The following ATP2C2 variants were observed in gnomAD, a reference collection of about 807,000 sequenced individuals.
ATP2C2 encodes ATPase secretory pathway Ca2+ transporting 2, also known as calcium-transporting ATPase type 2C member 2.
In ATP2C2, 171 loss-of-function variants were observed where a neutral mutation model predicts 110.8. The observed-to-expected ratio is 1.54, with a 90% CI of 1.36 to 1.75. ATP2C2 has a LOEUF of 1.75. Among genes scored for constraint, ATP2C2 ranks in the 40% most tolerant of loss-of-function variants. ATP2C2 has a pLI of 0.00. For synonymous variants in ATP2C2, 804 were observed against 508.4 expected, an observed-to-expected ratio of 1.58 and a Z score of -7.82; for missense variants, 1,963 against 1,235.0, an observed-to-expected ratio of 1.59 and a Z score of -8.84.
chr16:84,460,710 G>C lies in ATP2C2; in HGVS notation c.2390G>C (p.Arg797Pro). ...DAFRQPPRSVRDTILSRALIL... is the reference protein window; with the variant it reads ...DAFRQPPRSVPDTILSRALIL... ...TTCAGGCAGCCACCACGGAGTGTGC[G>C]GGACACCATCCTCAGCAGAGCCCTC... Residue 797 changes from arginine (R) to proline (P), a missense_variant, in exon 24 of 27, where the codon CGG (arginine) becomes CCG (proline). Arg to Pro is a moderately radical substitution (Grantham distance 103). Transcript: ENST00000262429. 3 of 1,614,178 alleles carry C rather than the reference G, an allele frequency of 1.9e-6. No individual in the cohort carries two copies. Among genetic ancestry groups the C allele is most frequent in the Non-Finnish European group, 1.7e-6 (2 of 1,180,036 alleles).
At chr16:84,383,438 G>T (rs1910702662) in intron 1 of ATP2C2, among the ~76,000 whole-genome samples, 1 of 152,214 alleles carries the variant, frequency 6.6e-6, no homozygotes, top group Non-Finnish European at 1.5e-5. Context: ...AAGCAGCCAT[G>T]TCTGGTCCGT....
chr16:84,373,974 A>C (rs1248964937), intron 1 of ATP2C2, among the ~76,000 whole-genome samples: 1 of 152,256 alleles, frequency 6.6e-6, no homozygotes, highest in Non-Finnish European at 1.5e-5. Context: ...CTCAAGTCCA[A>C]CTGCCAGCAA....
rs1597839585 is a variant in ATP2C2, at chr16:84,440,124, C to T, written c.1209+600C>T. On this transcript the variant is annotated intron_variant, in intron 13 of 26. Coordinates refer to ENST00000262429, the MANE Select transcript of ATP2C2 (RefSeq NM_014861.4). ...GAGTGCTGGGATTACAGGCGTGAGC[C>T]ACCACGCCCAGCCTGTTTTATTTTT... Among the ~76,000 whole-genome samples, 3 of 152,352 alleles carry T rather than the reference C, an allele frequency of 2.0e-5. No individual in the cohort carries two copies. In the South Asian group the frequency reaches 6.2e-4, roughly 32 times the overall value.
At chr16:84,439,854 G>A (rs532041531) in intron 13 of ATP2C2, among the ~76,000 whole-genome samples, 1 of 152,264 alleles carries the variant, frequency 6.6e-6, no homozygotes, top group South Asian at 2.1e-4. Flanking sequence ...TTGTTTGTGA[G>A]AGACAGAGTC....
rs1910042027 is a variant in ATP2C2 at position 84,449,308 on chromosome 16, G to C, written c.1660+619G>C. Among the ~76,000 whole-genome samples the C allele has an allele frequency of 2.0e-5, 3 of 152,374 alleles. No homozygotes were observed. In the South Asian group the frequency reaches 6.2e-4, roughly 32 times the overall value. On this transcript the variant is annotated intron_variant, in intron 17 of 26. Coordinates refer to ENST00000262429, the MANE Select transcript of ATP2C2 (RefSeq NM_014861.4). ...AGGTTGCTGGCAGGCTTGCTCAGAG[G>C]TGTACGGGGCGAGACCCTTGCGGCT...
At position 84,463,745 on chromosome 16, in the gene ATP2C2, CGCGGCACCTTCCCT is replaced by C; in HGVS notation, c.*14_*27del. ...TGAAGATGTGTAGTGGACCGCACTCCGCGGCACCTTCCCTAATCATCTCGATCTGGTTGTGACTG... is the reference window on the plus strand; with the variant it reads ...TGAAGATGTGTAGTGGACCGCACTCCAATCATCTCGATCTGGTTGTGACTG... On this transcript the variant is annotated 3_prime_UTR_variant, in exon 27 of 27. Transcript: ENST00000262429. 3 of 1,590,550 alleles carry C rather than the reference CGCGGCACCTTCCCT, an allele frequency of 1.9e-6. No homozygotes were observed. The highest frequency in any genetic ancestry group is 2.6e-6 in the Non-Finnish European group (3 of 1,159,510).
chr16:84,461,973 A>T lies in ATP2C2; in HGVS notation c.2581-15A>T, dbSNP rs1275783363. ...TGGACAGCACACAATCCCCCGTGTG[A>T]CCTTCTCCCTGCAGACCAAGCTGAT... On this transcript the variant is annotated splice_polypyrimidine_tract_variant and intron_variant, in intron 25 of 26. Transcript: ENST00000262429. 6.2e-7 allele frequency: 1 copy of T among 1,612,194 alleles called. No individual in the cohort carries two copies. The highest frequency in any genetic ancestry group is 1.7e-5 in the Admixed American group (1 of 59,924).
At chr16:84,431,583 G>A (rs751605452) in intron 11 of ATP2C2, among the ~76,000 whole-genome samples, 1 of 151,968 alleles carries the variant, frequency 6.6e-6, no homozygotes, top group African/African-American at 2.4e-5. Flanking sequence ...GTCAGGAGAT[G>A]AGCAGGAAGG....
In ATP2C2 at chr16:84,454,323, G is replaced by A. The variant is rs747717; in HGVS notation, c.1981-495G>A. Among the ~76,000 whole-genome samples, 1,076 of 152,266 alleles carry A rather than the reference G, an allele frequency of 7.1e-3. 17 individuals carry two copies. The highest frequency in any genetic ancestry group is 0.025 in the African/African-American group (1,036 of 41,544). ...AATACCAAAAAAAGGTAGAAAATGTGCTTGGTTTTCTCGCCTGTGCTCTGA... is the reference window on the plus strand; with the variant it reads ...AATACCAAAAAAAGGTAGAAAATGTACTTGGTTTTCTCGCCTGTGCTCTGA... On this transcript the variant is annotated intron_variant, in intron 20 of 26. Transcript: ENST00000262429.
intron 7 of ATP2C2, among the ~76,000 whole-genome samples, chr16:84,417,507 G>A (rs534340368): frequency 1.1e-4 from 17 of 152,278 alleles, no homozygotes; most frequent in African/African-American, 3.4e-4. Flanking sequence ...TATCATTATC[G>A]TTCTATACAA....
chr16:84,397,724 C>A (rs915881565), intron 1 of ATP2C2, among the ~76,000 whole-genome samples: 6 of 146,940 alleles, frequency 4.1e-5, no homozygotes, highest in Non-Finnish European at 8.9e-5. Flanking sequence ...ACAACTGGAA[C>A]CCAGATATTC....
intron 10 of ATP2C2, among the ~76,000 whole-genome samples, chr16:84,424,556 G>A (rs898129424): frequency 1.4e-5 from 2 of 146,746 alleles, no homozygotes; most frequent in Admixed American, 6.8e-5. Context: ...AGGATTACAG[G>A]CATGAGCCAC....
chr16:84,399,975 T>G (rs573723773), intron 2 of ATP2C2, among the ~76,000 whole-genome samples: 71 of 152,282 alleles, frequency 4.7e-4, no homozygotes, highest in African/African-American at 1.6e-3. Flanking sequence ...ATTTTAATTT[T>G]TAGCTTCCAC....
chr16:84,431,267 G>A (rs1056489877), intron 11 of ATP2C2, among the ~76,000 whole-genome samples: 5 of 152,122 alleles, frequency 3.3e-5, no homozygotes, highest in African/African-American at 1.2e-4. Context: ...GGGACTCTGA[G>A]GTGGGCAGAT....
At chr16:84,422,721 G>A (rs1597807528) in intron 9 of ATP2C2, 24 bp downstream of exon 9, 1 of 1,588,726 alleles carries the variant, frequency 6.3e-7, no homozygotes, top group South Asian at 1.1e-5. Context: ...GGGGGCTTCG[G>A]GACTTTTGTA....
chr16:84,460,546 C>A, intron 23 of ATP2C2, 108 bp from the exon 24 acceptor site: 1 of 1,511,506 alleles, frequency 6.6e-7, no homozygotes, highest in Non-Finnish European at 9.2e-7. Context: ...AATGCCTGGC[C>A]CTGCCCCCTG....
At chr16:84,445,078 C>A (rs1351067009) in intron 15 of ATP2C2, among the ~76,000 whole-genome samples, 1 of 152,194 alleles carries the variant, frequency 6.6e-6, no homozygotes, top group African/African-American at 2.4e-5. Context: ...GCTCCGTCTC[C>A]CAGTTTCTGG....
At chr16:84,381,233 T>C (rs1910564512) in intron 1 of ATP2C2, among the ~76,000 whole-genome samples, 1 of 152,168 alleles carries the variant, frequency 6.6e-6, no homozygotes, top group Non-Finnish European at 1.5e-5. Flanking sequence ...CAAAGTACAT[T>C]GATCAGTTAG....
intron 15 of ATP2C2, 89 bp downstream of exon 15, chr16:84,442,688 G>A: frequency 7.7e-7 from 1 of 1,293,802 alleles, no homozygotes; most frequent in East Asian, 2.3e-5. Flanking sequence ...TGAGCTAACA[G>A]GAGTGGGGAC....
Sources: allele counts gnomAD v4.1 joint callset (sites outside exome capture counted in the v4.1 genomes callset), GRCh38; gene constraint gnomAD v4.1.1; transcripts MANE v1.5; gene names NCBI Gene and HGNC (gene_info 2026-07-23, HGNC 2026-07-21).